Variants in KNSTRN observed in about 807,000 individuals in gnomAD.
The protein encoded by KNSTRN is kinetochore localized astrin (SPAG5) binding protein, also known as small kinetochore-associated protein.
A neutral mutation model predicts 44.7 loss-of-function variants in KNSTRN; 38 were observed. The ratio of observed to expected loss-of-function variants is 0.85; its 90% CI spans 0.66 to 1.11. The LOEUF is 1.11. KNSTRN is among the 50% of genes most tolerant of loss of function. The pLI is 0.00. For synonymous variants in KNSTRN, 158 were observed against 148.1 expected (o/e 1.07, Z -0.48); for missense variants, 406 against 375.8 (o/e 1.08, Z -0.66).
chr15:40,391,512 G>A lies in KNSTRN; in HGVS notation c.705G>A (p.Leu235=), dbSNP rs778033284. The change falls in exon 7 of 9, where the codon CTG becomes CTA. Residue 235 remains leucine, a synonymous_variant. Transcript: ENST00000249776. The part of the protein sequence containing the change: ...GLDPALGSET[L]ASRQESTTDH... ...CATCAGCTTTAGGCAGTGAGACCCT[G>A]GCATCACGACAAGAATCCACTACTG... 4 of 1,613,936 alleles carry A rather than the reference G, an allele frequency of 2.5e-6. No individual in the cohort carries two copies. The highest frequency in any genetic ancestry group is 3.4e-6 in the Non-Finnish European group (4 of 1,179,910).
rs1310704765 is a variant in KNSTRN, at chr15:40,387,472, C to CTTAG, written c.485+267_485+270dup. 3.3e-5 allele frequency among the ~76,000 whole-genome samples: 5 copies of CTTAG among 152,186 alleles called. No homozygotes were observed. The East Asian group carries it at 7.7e-4, about 23-fold the overall frequency. On this transcript the variant is annotated intron_variant, in intron 4 of 8. Coordinates refer to ENST00000249776, the MANE Select transcript of KNSTRN (RefSeq NM_033286.4). ...GGACCACTGCTGATTGGAAATCACA[C>CTTAG]TTAGCTATGGCCCATCAACAGGAGG...
At chr15:40,389,762 A>G (rs1889966824) in intron 5 of KNSTRN, 74 bp from the exon 6 acceptor site, 1 of 1,474,742 alleles carries the variant, frequency 6.8e-7, no homozygotes, top group South Asian at 1.1e-5. Context: ...GCTGTCCAAG[A>G]GCAAGGGCAA....
intron 2 of KNSTRN, chr15:40,384,683 C>T (rs1188810151): frequency 1.5e-5 from 4 of 262,440 alleles, no homozygotes; most frequent in African/African-American, 9.1e-5. Flanking sequence ...TTTAGGCTGC[C>T]TCCCAGGATT....
chr15:40,387,008 T>A (rs1418777112), intron 3 of KNSTRN, 151 bp from the exon 4 acceptor site: 1 of 680,308 alleles, frequency 1.5e-6, no homozygotes, highest in Non-Finnish European at 2.7e-6. Flanking sequence ...GAAGCAGTAA[T>A]GCATAGTCTC....
At chr15:40,384,520 GTC>G (rs1020377701) in intron 2 of KNSTRN, 2 of 455,590 alleles carry the variant, frequency 4.4e-6, no homozygotes, top group South Asian at 1.5e-5. Flanking sequence ...CTGGAGCCAG[GTC>G]TCTCAGCTGC....
intron 7 of KNSTRN, 193 bp downstream of exon 7, chr15:40,391,747 A>G (rs1027502678): frequency 2.1e-5 from 14 of 658,300 alleles, no homozygotes; most frequent in African/African-American, 1.8e-4. Context: ...GCTTACAAAT[A>G]TAAGTGAGTC....
rs1308507487 is a variant in KNSTRN at position 40,391,496 on chromosome 15, T to G, written c.689T>G (p.Leu230Ter). The G allele has an allele frequency of 6.2e-7, 1 of 1,613,584 alleles. No individual in the cohort carries two copies. The highest frequency in any genetic ancestry group is 1.3e-5 in the African/African-American group (1 of 74,922). The change falls in exon 7 of 9, where the codon TTA (leucine) becomes TGA (stop). Residue 230 changes from leucine to a stop codon, truncating the protein, a stop_gained. Coordinates refer to ENST00000249776, the MANE Select transcript of KNSTRN (RefSeq NM_033286.4). LOFTEE classifies it high-confidence loss of function. Reference sequence around the variant, plus strand: ...TTGACTTTGTTGTATCCATCAGCTTTAGGCAGTGAGACCCTGGCATCACGA... The same window carrying G: ...TTGACTTTGTTGTATCCATCAGCTTGAGGCAGTGAGACCCTGGCATCACGA... Reference protein sequence around the residue: ...ILESKGLDPALGSETLASRQE... With the variant: ...ILESKGLDPA
At chr15:40,388,841 G>A (rs1889947271) in intron 4 of KNSTRN, among the ~76,000 whole-genome samples, 1 of 152,196 alleles carries the variant, frequency 6.6e-6, no homozygotes. Flanking sequence ...TTTTGTTTAT[G>A]GCCAGTTTTG....
At chr15:40,386,914 T>G in intron 3 of KNSTRN, 1 of 570,914 alleles carries the variant, frequency 1.8e-6, no homozygotes, top group East Asian at 3.0e-5. Flanking sequence ...CACGCCATCT[T>G]GAGAGGAACA....
chr15:40,389,755 G>A (rs1042907131), intron 5 of KNSTRN, 81 bp from the exon 6 acceptor site: 31 of 1,440,846 alleles, frequency 2.2e-5, no homozygotes, highest in Non-Finnish European at 2.6e-5. Context: ...TGCTATGGCT[G>A]TCCAAGAGCA....
At chr15:40,385,995 A>G (rs1889893860) in intron 2 of KNSTRN, among the ~76,000 whole-genome samples, 2 of 152,276 alleles carry the variant, frequency 1.3e-5, no homozygotes, top group Non-Finnish European at 2.9e-5. Context: ...CTCACGCCAG[A>G]GTGGCCAAGG....
chr15:40,386,655 C>T, intron 3 of KNSTRN, 161 bp downstream of exon 3: 4 of 670,618 alleles, frequency 6.0e-6, no homozygotes, highest in Non-Finnish European at 9.9e-6. Context: ...GTGCCAGAAC[C>T]CTCTGTGTTG....
intron 4 of KNSTRN, chr15:40,389,297 C>T (rs1241889306): frequency 1.4e-5 from 7 of 508,990 alleles, no homozygotes; most frequent in South Asian, 9.2e-5. Context: ...TACAGGCATG[C>T]GCCACCACGC....
Position 40,391,976 on chromosome 15 carries a change from C to A in KNSTRN, c.775C>A (p.Leu259Met), listed in dbSNP as rs750673323. ...MLLLETLQEE[L>M]KLFNETAKKQ... ...GCTGTTAGAAACTTTGCAAGAGGAG[C>A]TGAAGCTTTTTAACGAAACAGCCAA... The change falls in exon 8 of 9, where the codon CTG (leucine) becomes ATG (methionine). Residue 259 changes from leucine to methionine, a missense_variant. Coordinates refer to ENST00000249776, the MANE Select transcript of KNSTRN (RefSeq NM_033286.4). 22 of 1,611,512 alleles carry A rather than the reference C, an allele frequency of 1.4e-5. No homozygotes were observed. Among genetic ancestry groups the A allele is most frequent in the Non-Finnish European group, 1.8e-5 (21 of 1,179,220 alleles).
At chr15:40,390,493 T>C (rs1889979736) in intron 6 of KNSTRN, among the ~76,000 whole-genome samples, 1 of 152,208 alleles carries the variant, frequency 6.6e-6, no homozygotes, top group African/African-American at 2.4e-5. Flanking sequence ...CCAAAGACTG[T>C]AAGAGGGCCT....
rs1265781491 is a variant in KNSTRN, at chr15:40,382,985, T to A, written c.150T>A (p.Ala50=). 2 of 1,612,064 alleles carry A rather than the reference T, an allele frequency of 1.2e-6. No homozygotes were observed. The highest frequency in any genetic ancestry group is 2.7e-5 in the African/African-American group (2 of 74,882). The change falls in exon 1 of 9, where the codon GCT becomes GCA. Residue 50 remains alanine, a synonymous_variant. Transcript: ENST00000249776. The part of the protein sequence containing the change: ...AADLAGGTTV[A]AGNLLNESEK... The stretch of plus-strand genomic sequence containing the variant: ...ACTTAGCCGGTGGCACGACAGTTGC[T>A]GCAGGGAATCTTTTAAACGAGAGCG...
chr15:40,389,578 C>T lies in KNSTRN; in HGVS notation c.558C>T (p.Asn186=), dbSNP rs552498161. The change falls in exon 5 of 9, where the codon AAC becomes AAT. Residue 186 remains asparagine, a synonymous_variant. Transcript: ENST00000249776. ...AGAACCAGCTGTTAGAAGCCGTCAACAAGCAGTTGCACCAGAAGTTGACTG... is the reference window on the plus strand; with the variant it reads ...AGAACCAGCTGTTAGAAGCCGTCAATAAGCAGTTGCACCAGAAGTTGACTG... ...KDKNQLLEAV[N]KQLHQKLTET... 6.2e-7 allele frequency: 1 copy of T among 1,614,032 alleles called. No individual in the cohort carries two copies. Among genetic ancestry groups the T allele is most frequent in the East Asian group, 2.2e-5 (1 of 44,892 alleles).
chr15:40,387,574 G>T (rs1331163265), intron 4 of KNSTRN, among the ~76,000 whole-genome samples: 1 of 152,180 alleles, frequency 6.6e-6, no homozygotes, highest in Admixed American at 6.5e-5. Context: ...GGTGGTGGTG[G>T]TGAAAACCTG....
chr15:40,382,979 A>G lies in KNSTRN; in HGVS notation c.144A>G (p.Thr48=), dbSNP rs773294791. The G allele has an allele frequency of 2.6e-5, 42 of 1,612,090 alleles. No individual in the cohort carries two copies. Among genetic ancestry groups the G allele is most frequent in the Non-Finnish European group, 3.0e-5 (35 of 1,180,046 alleles). Residue 48 remains threonine, a synonymous_variant, in exon 1 of 9, where the codon ACA becomes ACG. Transcript: ENST00000249776. ...TQAADLAGGT[T]VAAGNLLNES... ...CGGCCGACTTAGCCGGTGGCACGAC[A>G]GTTGCTGCAGGGAATCTTTTAAACG...
Sources: allele counts gnomAD v4.1 joint callset (sites outside exome capture counted in the v4.1 genomes callset), GRCh38; gene constraint gnomAD v4.1.1; transcripts MANE v1.5; gene names NCBI Gene and HGNC (gene_info 2026-07-23, HGNC 2026-07-21).